The following PPARGC1A variants were observed in gnomAD, a reference collection of about 807,000 sequenced individuals.
The protein encoded by PPARGC1A is PPARG coactivator 1 alpha.
PPARGC1A carries 25 observed loss-of-function variants against 88.7 expected under a neutral mutation model. That is an observed-to-expected ratio of 0.28 (90% CI 0.21 to 0.39). PPARGC1A has a LOEUF of 0.39. Among genes scored for constraint, PPARGC1A ranks in the 10% least tolerant of loss-of-function variants. The probability of loss-of-function intolerance (pLI) is 1.00; values close to 1 mark genes in which losing one functional copy is unlikely to be tolerated. For synonymous variants in PPARGC1A, 363 were observed against 355.6 expected (o/e 1.02, Z -0.24); for missense variants, 880 against 968.7 (o/e 0.91, Z 1.22).
At chr4:23,845,136 A>T (rs1002599542) in intron 2 of PPARGC1A, among the ~76,000 whole-genome samples, 18 of 151,950 alleles carry the variant, frequency 1.2e-4, no homozygotes, top group African/African-American at 4.4e-4. Flanking sequence ...CAGCACCAGG[A>T]CTTTAGCACG....
the PPARGC1A span, among the ~76,000 whole-genome samples, chr4:24,071,495 GCT>G: frequency 1.4e-5 from 2 of 139,174 alleles, no homozygotes; most frequent in Non-Finnish European, 3.3e-5. Flanking sequence ...CAAATTGCAT[GCT>G]TTTTTTTTCT....
the PPARGC1A span, among the ~76,000 whole-genome samples, chr4:24,325,239 A>C: frequency 2.3e-4 from 35 of 152,276 alleles, no homozygotes; most frequent in East Asian, 6.6e-3. Context: ...CTCAATATAC[A>C]TTTTATTACC....
At chr4:23,865,963 A>G (rs2148735400) in intron 2 of PPARGC1A, among the ~76,000 whole-genome samples, 1 of 150,942 alleles carries the variant, frequency 6.6e-6, no homozygotes, top group African/African-American at 2.5e-5. Flanking sequence ...ACACACACAC[A>G]CACACACGCA....
the PPARGC1A span, among the ~76,000 whole-genome samples, chr4:24,387,402 T>C: frequency 6.6e-6 from 1 of 152,032 alleles, no homozygotes; most frequent in Non-Finnish European, 1.5e-5. Context: ...TGGAATGTAA[T>C]TAAACTAAAG....
At chr4:24,278,045 C>T in the PPARGC1A span, among the ~76,000 whole-genome samples, 1 of 151,990 alleles carries the variant, frequency 6.6e-6, no homozygotes, top group East Asian at 1.9e-4. Context: ...CGTGGTGGCT[C>T]ATGCTTGTAG....
At chr4:24,346,572 A>C in the PPARGC1A span, among the ~76,000 whole-genome samples, 1 of 152,102 alleles carries the variant, frequency 6.6e-6, no homozygotes, top group Non-Finnish European at 1.5e-5. Flanking sequence ...AAAGGTGTTC[A>C]TAGTAGCCTT....
At chr4:23,865,078 G>A (rs978738399) in intron 2 of PPARGC1A, among the ~76,000 whole-genome samples, 1 of 152,078 alleles carries the variant, frequency 6.6e-6, no homozygotes, top group African/African-American at 2.4e-5. Flanking sequence ...CCAGCTACTC[G>A]GGAGGCTGAG....
the PPARGC1A span, among the ~76,000 whole-genome samples, chr4:23,940,820 G>GTTGC: frequency 6.6e-6 from 1 of 152,050 alleles, no homozygotes; most frequent in South Asian, 2.1e-4. Flanking sequence ...GTCTTTCTTG[G>GTTGC]TTGCTTGCTA....
At chr4:23,863,107 C>T (rs527878771) in intron 2 of PPARGC1A, among the ~76,000 whole-genome samples, 33 of 152,242 alleles carry the variant, frequency 2.2e-4, no homozygotes, top group African/African-American at 7.9e-4. Flanking sequence ...CAACATCCAA[C>T]CTATCACTTA....
the PPARGC1A span, among the ~76,000 whole-genome samples, chr4:24,389,190 C>T: frequency 0.087 from 13,195 of 152,032 alleles, 759 homozygotes; most frequent in Non-Finnish European, 0.13. Flanking sequence ...AATAACACTA[C>T]CCCTGAGGTA....
At chr4:24,144,356 A>G in the PPARGC1A span, among the ~76,000 whole-genome samples, 7 of 152,196 alleles carry the variant, frequency 4.6e-5, no homozygotes, top group African/African-American at 2.4e-5. Context: ...TGACCTAAGG[A>G]AAACTCTGAT....
chr4:23,883,580 T>G (rs1032786369), intron 2 of PPARGC1A: 1 of 152,178 alleles, frequency 6.6e-6, no homozygotes, highest in Non-Finnish European at 1.5e-5. Context: ...AGTTTCAGTG[T>G]CTGCATATGT....
At chr4:24,112,375 A>AT in the PPARGC1A span, among the ~76,000 whole-genome samples, 1 of 152,064 alleles carries the variant, frequency 6.6e-6, no homozygotes, top group Non-Finnish European at 1.5e-5. Flanking sequence ...GAAATCTGAA[A>AT]TTTTTTTTAT....
chr4:24,001,099 A>G, the PPARGC1A span, among the ~76,000 whole-genome samples: 2 of 152,232 alleles, frequency 1.3e-5, no homozygotes, highest in African/African-American at 4.8e-5. Flanking sequence ...TTCTTTTTAA[A>G]ACATTTTCAT....
At chr4:23,886,165 C>G (rs916364607) in intron 1 of PPARGC1A, among the ~76,000 whole-genome samples, 1 of 152,226 alleles carries the variant, frequency 6.6e-6, no homozygotes, top group African/African-American at 2.4e-5. Flanking sequence ...ACTGACGCAG[C>G]ACCCTCATGG....
intron 2 of PPARGC1A, among the ~76,000 whole-genome samples, chr4:23,846,841 CTA>C (rs1728413213): frequency 1.3e-5 from 2 of 152,096 alleles, no homozygotes; most frequent in Non-Finnish European, 2.9e-5. Flanking sequence ...AATAAGAACT[CTA>C]TTTGTATTTA....
At chr4:24,424,368 C>T in the PPARGC1A span, among the ~76,000 whole-genome samples, 7 of 145,130 alleles carry the variant, frequency 4.8e-5, no homozygotes, top group South Asian at 2.2e-4. Context: ...CTCCACCTCC[C>T]GGGTTCACGC....
At chr4:24,323,160 C>A in the PPARGC1A span, among the ~76,000 whole-genome samples, 1 of 152,160 alleles carries the variant, frequency 6.6e-6, no homozygotes, top group African/African-American at 2.4e-5. Context: ...GTTCTCTCTG[C>A]TGCCTTTGGC....
At chr4:24,282,111 A>G in the PPARGC1A span, among the ~76,000 whole-genome samples, 1 of 152,324 alleles carries the variant, frequency 6.6e-6, no homozygotes, top group South Asian at 2.1e-4. Context: ...CAGCAACCCA[A>G]TGGAGCAAAT....
Sources: allele counts gnomAD v4.1 joint callset (sites outside exome capture counted in the v4.1 genomes callset), GRCh38; gene constraint gnomAD v4.1.1; transcripts MANE v1.5; gene names NCBI Gene and HGNC (gene_info 2026-07-23, HGNC 2026-07-21).